HS6ST3: variants seen among roughly 807,000 people sequenced by gnomAD.
The protein encoded by HS6ST3 is heparan-sulfate 6-O-sulfotransferase 3.
Under a neutral mutation model 36.7 loss-of-function variants are expected in HS6ST3, and 12 were observed. The ratio of observed to expected loss-of-function variants is 0.33; its 90% CI spans 0.21 to 0.53. The LOEUF (loss-of-function observed/expected upper bound fraction) is 0.53. HS6ST3 is among the 20% of genes least tolerant of loss of function. The pLI is 0.95. For missense variants in HS6ST3, 584 were observed against 640.9 expected, an observed-to-expected ratio of 0.91 and a Z score of 0.96; for synonymous variants, 240 against 257.5, an observed-to-expected ratio of 0.93 and a Z score of 0.65.
chr13:96,444,986 G>A (rs2055691218), intron 1 of HS6ST3, among the ~76,000 whole-genome samples: 2 of 152,128 alleles, frequency 1.3e-5, no homozygotes, highest in African/African-American at 4.8e-5. Context: ...AAAGCATAAT[G>A]TAAGTGGAAG....
intron 1 of HS6ST3, among the ~76,000 whole-genome samples, chr13:96,800,891 C>A (rs764525617): frequency 1.3e-5 from 2 of 152,038 alleles, no homozygotes; most frequent in Admixed American, 6.6e-5. Flanking sequence ...AGAAAAACAC[C>A]TTTGGTGGCC....
intron 1 of HS6ST3, among the ~76,000 whole-genome samples, chr13:96,489,843 CATATCAG>C (rs2055936010): frequency 6.6e-6 from 1 of 152,190 alleles, no homozygotes; most frequent in African/African-American, 2.4e-5. Context: ...TATATCATAG[CATATCAG>C]ATAACACTAT....
rs145198703 is a variant in HS6ST3, at chr13:96,736,704, C to T, written c.708-95786C>T. Among the ~76,000 whole-genome samples, 159 of 152,144 alleles carry T rather than the reference C, an allele frequency of 1.0e-3. 4 individuals carry two copies. The East Asian group carries it at 0.025, about 24-fold the overall frequency. On this transcript the variant is annotated intron_variant, in intron 1 of 1. Coordinates refer to ENST00000376705, the MANE Select transcript of HS6ST3 (RefSeq NM_153456.4). ...TGCAAAAATTAATATACTGGCCATA[C>T]ATAAAACTTCAGCAAATTCACCAAG...
At chr13:96,829,761 G>A (rs1414761263) in intron 1 of HS6ST3, among the ~76,000 whole-genome samples, 5 of 152,070 alleles carry the variant, frequency 3.3e-5, no homozygotes, top group African/African-American at 1.2e-4. Context: ...GAGCATTTAG[G>A]TTGATTCCAT....
chr13:96,778,129 A>C (rs1246589970), intron 1 of HS6ST3, among the ~76,000 whole-genome samples: 1 of 152,206 alleles, frequency 6.6e-6, no homozygotes, highest in African/African-American at 2.4e-5. Flanking sequence ...ATATGCAGAA[A>C]ACTGAAATTC....
intron 1 of HS6ST3, among the ~76,000 whole-genome samples, chr13:96,685,284 T>C (rs1422940701): frequency 6.6e-6 from 1 of 152,122 alleles, no homozygotes; most frequent in Non-Finnish European, 1.5e-5. Flanking sequence ...AGATAGCTTA[T>C]TCATCTCATT....
intron 1 of HS6ST3, among the ~76,000 whole-genome samples, chr13:96,293,165 G>A (rs1283722544): frequency 6.6e-6 from 1 of 152,078 alleles, no homozygotes; most frequent in Non-Finnish European, 1.5e-5. Flanking sequence ...GTTGAATTAG[G>A]AGCATGACCA....
At chr13:96,151,361 G>T (rs894838181) in intron 1 of HS6ST3, among the ~76,000 whole-genome samples, 1 of 149,900 alleles carries the variant, frequency 6.7e-6, no homozygotes, top group Non-Finnish European at 1.5e-5. Flanking sequence ...CTGAGATCCC[G>T]CGACTGCACT....
intron 1 of HS6ST3, among the ~76,000 whole-genome samples, chr13:96,752,155 A>G (rs1876716819): frequency 6.6e-6 from 1 of 152,180 alleles, no homozygotes; most frequent in Admixed American, 6.5e-5. Flanking sequence ...TAACGGTATC[A>G]CAATCCGTGT....
intron 1 of HS6ST3, among the ~76,000 whole-genome samples, chr13:96,219,789 G>A (rs1384842307): frequency 6.6e-6 from 1 of 151,980 alleles, no homozygotes; most frequent in Non-Finnish European, 1.5e-5. Flanking sequence ...GTTCAAGCGA[G>A]TCTCCTGCCT....
rs560090100 is a variant in HS6ST3, at chr13:96,163,360, T to G, written c.707+71791T>G. Among the ~76,000 whole-genome samples the G allele has an allele frequency of 2.4e-4, 36 of 151,374 alleles. No individual in the cohort carries two copies. In the East Asian group the frequency reaches 3.1e-3, roughly 13 times the overall value. On this transcript the variant is annotated intron_variant, in intron 1 of 1. Coordinates refer to ENST00000376705, the MANE Select transcript of HS6ST3 (RefSeq NM_153456.4). The stretch of plus-strand genomic sequence containing the variant: ...TTCTCCTGCCTTAGCCTCCTGAGTA[T>G]CTGGGACTACAGGCGCCCACCACCA...
chr13:96,325,522 T>G (rs1047026323), intron 1 of HS6ST3, among the ~76,000 whole-genome samples: 3 of 152,202 alleles, frequency 2.0e-5, no homozygotes, highest in African/African-American at 7.2e-5. Context: ...ATGGCAGTTA[T>G]ATTTTATTGG....
chr13:96,793,155 C>CT (rs1382072763), intron 1 of HS6ST3, among the ~76,000 whole-genome samples: 2 of 152,044 alleles, frequency 1.3e-5, no homozygotes, highest in Non-Finnish European at 2.9e-5. Context: ...TCACGTTATT[C>CT]TTTCCCTTAC....
chr13:96,199,767 A>C (rs965626876), intron 1 of HS6ST3, among the ~76,000 whole-genome samples: 1 of 152,170 alleles, frequency 6.6e-6, no homozygotes, highest in African/African-American at 2.4e-5. Flanking sequence ...CCCTTTTACA[A>C]TTTTATTCAT....
At chr13:96,100,452 A>G (rs747772470) in intron 1 of HS6ST3, among the ~76,000 whole-genome samples, 2 of 152,186 alleles carry the variant, frequency 1.3e-5, no homozygotes, top group Non-Finnish European at 2.9e-5. Flanking sequence ...CCTTGCAACC[A>G]GTGACAAGAG....
At chr13:96,233,769 G>T (rs1244533548) in intron 1 of HS6ST3, among the ~76,000 whole-genome samples, 1 of 152,174 alleles carries the variant, frequency 6.6e-6, no homozygotes, top group East Asian at 1.9e-4. Context: ...AGCTGATAAT[G>T]ACTTGGTACC....
intron 1 of HS6ST3, among the ~76,000 whole-genome samples, chr13:96,736,397 T>C (rs1325758221): frequency 6.6e-6 from 1 of 152,154 alleles, no homozygotes; most frequent in African/African-American, 2.4e-5. Flanking sequence ...AATGGCAGTT[T>C]ATAAGGATAA....
chr13:96,330,972 C>T (rs1207472855), intron 1 of HS6ST3, among the ~76,000 whole-genome samples: 1 of 152,010 alleles, frequency 6.6e-6, no homozygotes, highest in Non-Finnish European at 1.5e-5. Context: ...CAGTTGATCG[C>T]ATCGGCTCCT....
chr13:96,488,520 C>T (rs1308110961), intron 1 of HS6ST3, among the ~76,000 whole-genome samples: 1 of 151,938 alleles, frequency 6.6e-6, no homozygotes, highest in African/African-American at 2.4e-5. Flanking sequence ...TGGCTTATGT[C>T]ATAACTTCTG....
Sources: gnomAD v4.1 joint callset for allele counts (sites outside exome capture counted in the v4.1 genomes callset) on GRCh38, gnomAD v4.1.1 for gene constraint, MANE v1.5 for transcripts, NCBI Gene and HGNC (gene_info 2026-07-23, HGNC 2026-07-21) for gene names.